Variants in CHRNA1 observed in about 807,000 individuals in gnomAD.
CHRNA1 encodes cholinergic receptor nicotinic alpha 1 subunit.
Under a neutral mutation model 47.1 loss-of-function variants are expected in CHRNA1, and 35 were observed. That is an observed-to-expected ratio of 0.74 (90% CI 0.57 to 0.99). The LOEUF (loss-of-function observed/expected upper bound fraction) is 0.99. CHRNA1 is among the 50% of genes least tolerant of loss of function. The probability of loss-of-function intolerance (pLI) is 0.00; values close to 1 mark genes in which losing one functional copy is unlikely to be tolerated. For synonymous variants in CHRNA1, 229 were observed against 223.6 expected, an observed-to-expected ratio of 1.02 and a Z score of -0.22; for missense variants, 506 against 591.1, an observed-to-expected ratio of 0.86 and a Z score of 1.49.
At position 174,748,120 on chromosome 2, in the gene CHRNA1, C is replaced by T. The variant is rs1183804628; in HGVS notation, c.*4G>A. ...GGCAGAGCTAAGCTCAGCTCATTTT[C>T]TGCTCATCCTTGCTGATTTAATTCA... On this transcript the variant is annotated 3_prime_UTR_variant, in exon 9 of 9. Coordinates refer to ENST00000348749, the MANE Select transcript of CHRNA1 (RefSeq NM_000079.4). 6.2e-7 allele frequency: 1 copy of T among 1,614,068 alleles called. No individual in the cohort carries two copies.
chr2:174,764,309 C>G, intron 1 of CHRNA1, 43 bp downstream of exon 1: 1 of 1,601,694 alleles, frequency 6.2e-7, no homozygotes, highest in Non-Finnish European at 8.5e-7. Flanking sequence ...GCACTTTAGC[C>G]TCAAAGGAGA....
chr2:174,748,966 A>G (rs1391227474), intron 7 of CHRNA1, 147 bp from the exon 8 acceptor site: 1 of 1,075,892 alleles, frequency 9.3e-7, no homozygotes, highest in Non-Finnish European at 1.3e-6. Context: ...AAAGAACTAT[A>G]CTAGATTTTT....
chr2:174,763,772 G>T (rs1684140635), intron 1 of CHRNA1, among the ~76,000 whole-genome samples: 1 of 151,488 alleles, frequency 6.6e-6, no homozygotes, highest in Non-Finnish European at 1.5e-5. Flanking sequence ...AGGTAGGAAT[G>T]TATTCATATG....
At chr2:174,749,774 T>A (rs1453767909) in intron 7 of CHRNA1, among the ~76,000 whole-genome samples, 172 bp downstream of exon 7, 1 of 152,252 alleles carries the variant, frequency 6.6e-6, no homozygotes, top group Non-Finnish European at 1.5e-5. Flanking sequence ...CTACAGGAGT[T>A]ATTTATTCCT....
intron 3 of CHRNA1, chr2:174,757,917 A>T (rs1269100708): frequency 7.6e-7 from 1 of 1,311,190 alleles, no homozygotes; most frequent in African/African-American, 1.5e-5. Context: ...TCCTCACAAC[A>T]ATCCCGTGAG....
intron 5 of CHRNA1, 21 bp downstream of exon 5, chr2:174,754,198 T>A: frequency 6.2e-7 from 1 of 1,611,976 alleles, no homozygotes; most frequent in Non-Finnish European, 8.5e-7. Flanking sequence ...ACCACCCTTA[T>A]CATATGTGGC....
At chr2:174,759,152 C>T (rs2105351741) in intron 3 of CHRNA1, among the ~76,000 whole-genome samples, 179 bp downstream of exon 3, 1 of 152,166 alleles carries the variant, frequency 6.6e-6, no homozygotes, top group South Asian at 2.1e-4. Flanking sequence ...AGAAAAAGCC[C>T]TAAAGTTTAA....
chr2:174,764,300 C>T (rs1684150883), intron 1 of CHRNA1, 52 bp downstream of exon 1: 1 of 1,586,450 alleles, frequency 6.3e-7, no homozygotes, highest in Admixed American at 1.7e-5. Flanking sequence ...GGGCCTCCAG[C>T]ACTTTAGCCT....
At position 174,750,053 on chromosome 2, in the gene CHRNA1, G is replaced by A. The variant is rs768256648; in HGVS notation, c.895C>T (p.Leu299=). Residue 299 remains leucine (L), a synonymous_variant, in exon 7 of 9, where the codon CTG becomes TTG. Transcript: ENST00000348749. ...GCAATGACGAACACCATGGTGAACA[G>A]CATGTATTTTCCAATCAAGGGCACA... ...SAVPLIGKYM[L]FTMVFVIASI... 14 of 1,614,104 alleles carry A rather than the reference G, an allele frequency of 8.7e-6. No individual in the cohort carries two copies. The South Asian group carries it at 1.2e-4, about 14-fold the overall frequency.
At position 174,748,732 on chromosome 2, in the gene CHRNA1, C is replaced by T; in HGVS notation, c.1090G>A (p.Glu364Lys). 6.2e-7 allele frequency: 1 copy of T among 1,614,186 alleles called. No individual in the cohort carries two copies. The highest frequency in any genetic ancestry group is 8.5e-7 in the Non-Finnish European group (1 of 1,180,036). The change falls in exon 8 of 9, where the codon GAA becomes AAA. Residue 364 changes from glutamate (E) to lysine (K), a missense_variant. Coordinates refer to ENST00000348749, the MANE Select transcript of CHRNA1 (RefSeq NM_000079.4). ...REKQDKKIFT[E>K]DIDISDISGK... ...GAAATGTCAGAGATATCAATGTCTT[C>T]TGTAAAAATCTTTTTGTCTTGCTTT...
intron 1 of CHRNA1, among the ~76,000 whole-genome samples, chr2:174,761,754 T>C (rs1684105370): frequency 6.6e-6 from 1 of 152,248 alleles, no homozygotes; most frequent in South Asian, 2.1e-4. Context: ...TATTCCGTTT[T>C]TGCAACCACC....
Position 174,747,900 on chromosome 2 carries a change from A to G in CHRNA1, c.*224T>C, listed in dbSNP as rs1041184347. On this transcript the variant is annotated 3_prime_UTR_variant, in exon 9 of 9. Coordinates refer to ENST00000348749, the MANE Select transcript of CHRNA1 (RefSeq NM_000079.4). ...TTTTAGTGATTAGTTTCATTTACTA[A>G]AGAGGGTTCACTCTTCAGGGAGACA... The G allele has an allele frequency of 7.2e-6, 4 of 554,378 alleles. No homozygotes were observed. The highest frequency in any genetic ancestry group is 3.0e-5 in the Admixed American group (1 of 33,654). The allele number at this position is 554,378 out of a possible 1,614,324, so 34.3% of individuals were successfully genotyped here. A position where few individuals can be genotyped will look rare whatever the true frequency, so the allele number is the denominator to read the frequency against.
chr2:174,756,061 G>A (rs536765602), intron 4 of CHRNA1, among the ~76,000 whole-genome samples: 2 of 150,950 alleles, frequency 1.3e-5, no homozygotes, highest in East Asian at 3.9e-4. Context: ...AAATCTGGAA[G>A]TTTAAATGTT....
At position 174,764,382 on chromosome 2, in the gene CHRNA1, GC is replaced by G; in HGVS notation, c.12del (p.Trp4CysfsTer54). MEPWPLLLLFSLCS... is the reference protein window; with the variant it reads MEPXPLLLLFSLCS... Reference sequence around the variant, plus strand: ...CAAAGGCTAAAGAGCAGGAGGAGAGGCCAGGGCTCCATGGGCTACCGGAGCT... The same window carrying G: ...CAAAGGCTAAAGAGCAGGAGGAGAGGCAGGGCTCCATGGGCTACCGGAGCT... On this transcript the variant is annotated frameshift_variant, in exon 1 of 9. Coordinates refer to ENST00000348749, the MANE Select transcript of CHRNA1 (RefSeq NM_000079.4). LOFTEE classifies it high-confidence loss of function. The G allele has an allele frequency of 6.2e-7, 1 of 1,613,376 alleles. No individual in the cohort carries two copies. Among genetic ancestry groups the G allele is most frequent in the Non-Finnish European group, 8.5e-7 (1 of 1,179,724 alleles).
At chr2:174,759,929 T>TACACACACACACACACAC (rs5836472) in intron 1 of CHRNA1, among the ~76,000 whole-genome samples, 2 of 143,984 alleles carry the variant, frequency 1.4e-5, no homozygotes, top group African/African-American at 5.3e-5. Context: ...GTTTGCCAGG[T>TACACACACACACACACAC]ACACACACAC....
intron 3 of CHRNA1, among the ~76,000 whole-genome samples, chr2:174,758,363 C>G (rs1364222053): frequency 6.6e-6 from 1 of 152,018 alleles, no homozygotes; most frequent in South Asian, 2.1e-4. Context: ...GAGCCGAGAT[C>G]GCGCCATTGC....
At chr2:174,751,939 G>A (rs6433501) in intron 6 of CHRNA1, among the ~76,000 whole-genome samples, 112,749 of 151,928 alleles carry the variant, frequency 0.74, 45,114 homozygotes, top group East Asian at 0.94. Context: ...CTTGGCCTCC[G>A]AAAGTGCTGG....
At chr2:174,759,296 A>G (rs1464341143) in intron 3 of CHRNA1, 35 bp downstream of exon 3, 1 of 1,610,404 alleles carries the variant, frequency 6.2e-7, no homozygotes, top group East Asian at 2.2e-5. Context: ...AGTGTGAATG[A>G]AAACGACACA....
chr2:174,754,197 A>T, intron 5 of CHRNA1, 22 bp downstream of exon 5: 1 of 1,611,860 alleles, frequency 6.2e-7, no homozygotes, highest in Admixed American at 1.7e-5. Flanking sequence ...AACCACCCTT[A>T]TCATATGTGG....
Sources: gnomAD v4.1 joint callset for allele counts (sites outside exome capture counted in the v4.1 genomes callset) on GRCh38, gnomAD v4.1.1 for gene constraint, MANE v1.5 for transcripts, NCBI Gene and HGNC (gene_info 2026-07-23, HGNC 2026-07-21) for gene names.